Variants in WDR88 observed in about 807,000 individuals in gnomAD.
The protein encoded by WDR88 is WD repeat domain 88.
WDR88 carries 40 observed loss-of-function variants against 46.8 expected under a neutral mutation model. That is an observed-to-expected ratio of 0.86 (90% CI 0.66 to 1.11). The LOEUF is 1.11. WDR88 is among the 50% of genes most tolerant of loss of function. The pLI, the probability that WDR88 is intolerant of heterozygous loss-of-function variation, is 0.00. For missense variants in WDR88, 562 were observed against 602.4 expected (o/e 0.93, Z 0.70); for synonymous variants, 235 against 240.7 (o/e 0.98, Z 0.22).
chr19:33,134,840 A>ACCCCCCCCCCCCCCCCCCCCC (rs766617576), intron 1 of WDR88, among the ~76,000 whole-genome samples: 8 of 62,436 alleles, frequency 1.3e-4, no homozygotes, highest in Admixed American at 1.8e-4. Context: ...CGTCCCCGAC[A>ACCCCCCCCCCCCCCCCCCCCC]CCCCCCCCCC....
At chr19:33,143,593 C>T (rs984584335) in intron 2 of WDR88, among the ~76,000 whole-genome samples, 1 of 150,574 alleles carries the variant, frequency 6.6e-6, no homozygotes, top group Non-Finnish European at 1.5e-5. Flanking sequence ...TGCAGTGAGC[C>T]GTGTTCTTGC....
intron 1 of WDR88, among the ~76,000 whole-genome samples, chr19:33,133,931 C>T (rs905646511): frequency 6.6e-6 from 1 of 152,274 alleles, no homozygotes; most frequent in Non-Finnish European, 1.5e-5. Context: ...TGTCCTCTGG[C>T]TGCCAGCAAC....
At chr19:33,164,146 C>A in intron 8 of WDR88, 51 bp from the exon 9 acceptor site, 1 of 1,571,290 alleles carries the variant, frequency 6.4e-7, no homozygotes, top group South Asian at 1.1e-5. Context: ...TTTTGTTGTT[C>A]TTTCAAAATT....
Position 33,141,412 on chromosome 19 carries a change from T to C in WDR88, c.388-3432T>C, listed in dbSNP as rs532134723. Among the ~76,000 whole-genome samples, 211 of 152,104 alleles carry C rather than the reference T, an allele frequency of 1.4e-3. 1 individual carries two copies. The highest frequency in any genetic ancestry group is 4.9e-3 in the African/African-American group (204 of 41,486). On this transcript the variant is annotated intron_variant, in intron 2 of 10. Coordinates refer to ENST00000355868, the MANE Select transcript of WDR88 (RefSeq NM_173479.4). ...GCCCAGCTAATATTATCATTTTTTG[T>C]AGAGATGGGATCTCCCTGTGTTGCC...
At position 33,132,365 on chromosome 19, in the gene WDR88, G is replaced by C. The variant is rs757012981; in HGVS notation, c.196G>C (p.Glu66Gln). ...CCTCGACCCCCTGGCCTTGGACAGG[G>C]AACCACCACCGCATCTGTTGCCTGA... is the stretch of plus-strand genomic sequence containing the variant. ...ATLDPLALDREPPPHLLPEKH... is the reference protein window; with the variant it reads ...ATLDPLALDRQPPPHLLPEKH... Residue 66 changes from glutamate (E) to glutamine (Q), a missense_variant, in exon 1 of 11, where the codon GAA becomes CAA. Coordinates refer to ENST00000355868, the MANE Select transcript of WDR88 (RefSeq NM_173479.4). The C allele has an allele frequency of 6.2e-7, 1 of 1,614,068 alleles. No homozygotes were observed. Among genetic ancestry groups the C allele is most frequent in the South Asian group, 1.1e-5 (1 of 91,080 alleles).
intron 1 of WDR88, among the ~76,000 whole-genome samples, chr19:33,134,011 G>A (rs550724554): frequency 6.6e-6 from 1 of 152,382 alleles, no homozygotes; most frequent in South Asian, 2.1e-4. Flanking sequence ...CAGGCCCCAT[G>A]GGGGAGGAGG....
chr19:33,147,619 G>A (rs2062758450), intron 3 of WDR88, 26 bp from the exon 4 acceptor site: 1 of 1,611,346 alleles, frequency 6.2e-7, no homozygotes, highest in Non-Finnish European at 8.5e-7. Context: ...AAGAACCAGT[G>A]TTCGTCATCG....
At chr19:33,170,152 C>T (rs995004256) in intron 9 of WDR88, among the ~76,000 whole-genome samples, 12 of 152,090 alleles carry the variant, frequency 7.9e-5, no homozygotes, top group Admixed American at 3.9e-4. Flanking sequence ...GCTGGGATTA[C>T]AGGCGTGAGC....
chr19:33,159,120 C>T (rs892340091), intron 7 of WDR88, among the ~76,000 whole-genome samples: 1 of 151,188 alleles, frequency 6.6e-6, no homozygotes, highest in Non-Finnish European at 1.5e-5. Context: ...TGCTTGAACC[C>T]AGGAGTTTGA....
At position 33,174,923 on chromosome 19, in the gene WDR88, G is replaced by A. The variant is rs1161714535; in HGVS notation, c.1243-473G>A. ...TGTGCTCATTCTCTCTGCAATTTCCGCCTTTGTGGGGTTAGAGATTCCAGA... is the reference window on the plus strand; with the variant it reads ...TGTGCTCATTCTCTCTGCAATTTCCACCTTTGTGGGGTTAGAGATTCCAGA... On this transcript the variant is annotated intron_variant, in intron 10 of 10. Coordinates refer to ENST00000355868, the MANE Select transcript of WDR88 (RefSeq NM_173479.4). 6.1e-6 allele frequency: 6 copies of A among 985,308 alleles called. No homozygotes were observed. The South Asian group carries it at 1.4e-4, about 23-fold the overall frequency. 61.0% of individuals were successfully genotyped at this position (985,308 alleles called of 1,614,324 possible).
chr19:33,141,750 G>A (rs945466804), intron 2 of WDR88, among the ~76,000 whole-genome samples: 14 of 152,000 alleles, frequency 9.2e-5, no homozygotes, highest in African/African-American at 3.1e-4. Flanking sequence ...GCGTGGTCTC[G>A]GCTCACTGCA....
At chr19:33,163,242 A>G (rs1324637318) in intron 8 of WDR88, among the ~76,000 whole-genome samples, 1 of 152,040 alleles carries the variant, frequency 6.6e-6, no homozygotes, top group Non-Finnish European at 1.5e-5. Flanking sequence ...CTGAGGCAGG[A>G]GAATGGCGTG....
chr19:33,173,287 G>A (rs8110805), intron 10 of WDR88, among the ~76,000 whole-genome samples: 25,072 of 151,818 alleles, frequency 0.17, 2,681 homozygotes, highest in Admixed American at 0.28. Flanking sequence ...TGGGCACTGC[G>A]TCAGCCTCCT....
At chr19:33,163,497 AAAACAAAC>A (rs570397878) in intron 8 of WDR88, among the ~76,000 whole-genome samples, 2 of 125,844 alleles carry the variant, frequency 1.6e-5, no homozygotes, top group South Asian at 2.6e-4. Context: ...ACTCTGTCTC[AAAACAAAC>A]AAACAAACAA....
At chr19:33,157,123 G>A (rs1467125527) in intron 7 of WDR88, among the ~76,000 whole-genome samples, 2 of 152,030 alleles carry the variant, frequency 1.3e-5, no homozygotes, top group African/African-American at 4.8e-5. Context: ...CTTGAGCCCA[G>A]GAGTTTGAGG....
chr19:33,167,337 A>G (rs574565643), intron 9 of WDR88, among the ~76,000 whole-genome samples: 1 of 152,332 alleles, frequency 6.6e-6, no homozygotes, highest in Non-Finnish European at 1.5e-5. Flanking sequence ...TGACACAGAA[A>G]AGGCATTTGA....
chr19:33,169,283 T>C (rs560541224), intron 9 of WDR88, among the ~76,000 whole-genome samples: 3 of 152,290 alleles, frequency 2.0e-5, no homozygotes, highest in South Asian at 4.1e-4. Context: ...CAAAGGATAC[T>C]GTCAAGAAAG....
chr19:33,152,981 T>A (rs1035474617), intron 6 of WDR88, among the ~76,000 whole-genome samples: 3 of 152,146 alleles, frequency 2.0e-5, no homozygotes, highest in Admixed American at 6.6e-5. Flanking sequence ...GTTTCTACCT[T>A]TTAGTTATTG....
chr19:33,166,606 A>G (rs983841944), intron 9 of WDR88, among the ~76,000 whole-genome samples: 2 of 151,866 alleles, frequency 1.3e-5, no homozygotes, highest in Non-Finnish European at 2.9e-5. Flanking sequence ...CTTTAAAAAA[A>G]AATTATTGAA....
Sources: gnomAD v4.1 joint callset for allele counts (sites outside exome capture counted in the v4.1 genomes callset) on GRCh38, gnomAD v4.1.1 for gene constraint, MANE v1.5 for transcripts, NCBI Gene and HGNC (gene_info 2026-07-23, HGNC 2026-07-21) for gene names.